The following CIRSR variants were observed in gnomAD, a reference collection of about 807,000 sequenced individuals.
CIRSR encodes the protein CBF1 (RBPJ) interacting corepressor 1.
the CIRSR span, chr2:174,348,969 C>A: frequency 3.8e-6 from 6 of 1,599,482 alleles, no homozygotes; most frequent in Non-Finnish European, 5.1e-6. Flanking sequence ...GTTTTTCTTT[C>A]TTTTCTTCCT....
the CIRSR span, among the ~76,000 whole-genome samples, chr2:174,362,035 T>C: frequency 6.6e-6 from 1 of 152,184 alleles, no homozygotes; most frequent in Non-Finnish European, 1.5e-5. Flanking sequence ...TTGTGGCTTA[T>C]GCCTGTAATC....
the CIRSR span, among the ~76,000 whole-genome samples, chr2:174,363,669 G>A: frequency 6.6e-6 from 1 of 152,188 alleles, no homozygotes; most frequent in Admixed American, 6.5e-5. Context: ...TGGAAGGCAA[G>A]GAGGAGCAAG....
chr2:174,379,425 C>G, the CIRSR span, among the ~76,000 whole-genome samples: 1 of 152,154 alleles, frequency 6.6e-6, no homozygotes, highest in South Asian at 2.1e-4. Flanking sequence ...TGTAAAGGTC[C>G]AAATGTAGTC....
the CIRSR span, among the ~76,000 whole-genome samples, chr2:174,354,605 TATA>T: frequency 7.7e-4 from 12 of 15,684 alleles, no homozygotes; most frequent in South Asian, 0.026. Flanking sequence ...TAATATATAT[TATA>T]TTATATATTT....
the CIRSR span, among the ~76,000 whole-genome samples, chr2:174,357,140 A>C: frequency 1.3e-5 from 2 of 152,292 alleles, no homozygotes; most frequent in African/African-American, 4.8e-5. Context: ...ACATTTACCT[A>C]TCTTCCCCTC....
At chr2:174,358,953 C>G in the CIRSR span, among the ~76,000 whole-genome samples, 1 of 152,176 alleles carries the variant, frequency 6.6e-6, no homozygotes, top group Non-Finnish European at 1.5e-5. Context: ...TTCAGCCTCT[C>G]AAAGTGCTGG....
At chr2:174,393,225 C>T in the CIRSR span, among the ~76,000 whole-genome samples, 3 of 152,020 alleles carry the variant, frequency 2.0e-5, no homozygotes, top group Admixed American at 1.3e-4. Flanking sequence ...AGAGCTTGGA[C>T]CACAATGTAA....
chr2:174,394,765 ACAAGTTTCTATGTAGGGGCAAT>A, the CIRSR span, among the ~76,000 whole-genome samples: 2 of 152,250 alleles, frequency 1.3e-5, no homozygotes, highest in African/African-American at 4.8e-5. Context: ...AGTTATTTTC[ACAAGTTTCTATGTAGGGGCAAT>A]CAACATTTTA....
the CIRSR span, among the ~76,000 whole-genome samples, chr2:174,354,576 ATATAT>A: frequency 3.4e-3 from 59 of 17,226 alleles, no homozygotes; most frequent in African/African-American, 6.1e-3. Context: ...ATATTATATT[ATATAT>A]TATATATATC....
At chr2:174,354,552 T>A in the CIRSR span, among the ~76,000 whole-genome samples, 10 of 32,284 alleles carry the variant, frequency 3.1e-4, no homozygotes. Context: ...TATATTATAT[T>A]ATATATATTT....
At chr2:174,362,686 C>A in the CIRSR span, among the ~76,000 whole-genome samples, 5,820 of 20,514 alleles carry the variant, frequency 0.28, 708 homozygotes, top group Non-Finnish European at 0.47. Flanking sequence ...GACTCTGCCT[C>A]AAAAAAAAAA....
chr2:174,366,019 G>T, the CIRSR span, among the ~76,000 whole-genome samples: 6 of 152,128 alleles, frequency 3.9e-5, no homozygotes, highest in Non-Finnish European at 8.8e-5. Flanking sequence ...CAAAGAGATG[G>T]AAACTCTTAG....
chr2:174,357,860 G>C, the CIRSR span, among the ~76,000 whole-genome samples: 1 of 152,184 alleles, frequency 6.6e-6, no homozygotes, highest in Non-Finnish European at 1.5e-5. Flanking sequence ...TATTAATAAA[G>C]TGTGTGGGTG....
chr2:174,378,270 T>C, the CIRSR span, among the ~76,000 whole-genome samples: 3 of 152,226 alleles, frequency 2.0e-5, no homozygotes, highest in African/African-American at 7.2e-5. Flanking sequence ...TGAAAGGACT[T>C]GCTTAAGGTT....
the CIRSR span, chr2:174,348,286 CTT>C: frequency 1.5e-6 from 1 of 646,764 alleles, no homozygotes; most frequent in Non-Finnish European, 2.3e-6. Context: ...AAATAGCTTA[CTT>C]ACAAATATTT....
At chr2:174,369,651 T>A in the CIRSR span, among the ~76,000 whole-genome samples, 6 of 152,344 alleles carry the variant, frequency 3.9e-5, no homozygotes, top group African/African-American at 1.4e-4. Flanking sequence ...GAGGCCACTG[T>A]ATGGTTATTA....
the CIRSR span, among the ~76,000 whole-genome samples, chr2:174,394,009 A>G: frequency 6.6e-6 from 1 of 152,214 alleles, no homozygotes; most frequent in Non-Finnish European, 1.5e-5. Context: ...GAAAAGTATA[A>G]AACAGATCAA....
chr2:174,371,512 A>G, the CIRSR span, among the ~76,000 whole-genome samples: 1 of 152,238 alleles, frequency 6.6e-6, no homozygotes, highest in East Asian at 1.9e-4. Flanking sequence ...TGAAGCTTAC[A>G]AGTTTTACAT....
chr2:174,348,638 C>G, the CIRSR span: 1 of 1,614,198 alleles, frequency 6.2e-7, no homozygotes, highest in Non-Finnish European at 8.5e-7. Context: ...GTGCCCGTTT[C>G]CTTGTCTCCC....
Sources: gnomAD v4.1 joint callset for allele counts (sites outside exome capture counted in the v4.1 genomes callset) on GRCh38, gnomAD v4.1.1 for gene constraint, MANE v1.5 for transcripts, NCBI Gene and HGNC (gene_info 2026-07-23, HGNC 2026-07-21) for gene names.